The following C10orf90 variants were observed in gnomAD, a reference collection of about 807,000 sequenced individuals.
C10orf90 encodes (E2-independent) E3 ubiquitin-conjugating enzyme FATS.
Under a neutral mutation model 62.5 loss-of-function variants are expected in C10orf90, and 56 were observed. The observed-to-expected ratio is 0.90, with a 90% confidence interval of 0.72 to 1.12. The LOEUF (loss-of-function observed/expected upper bound fraction) is 1.12, where lower values mean the gene tolerates loss of function less well. C10orf90 is among the 50% of genes most tolerant of loss of function. The pLI, the probability that C10orf90 is intolerant of heterozygous loss-of-function variation, is 0.00. For missense variants in C10orf90, 970 were observed against 880.4 expected, an observed-to-expected ratio of 1.10 and a Z score of -1.29; for synonymous variants, 386 against 340.4, an observed-to-expected ratio of 1.13 and a Z score of -1.47.
chr10:126,594,668 C>T (rs1845048663), intron 2 of C10orf90, among the ~76,000 whole-genome samples: 1 of 152,180 alleles, frequency 6.6e-6, no homozygotes, highest in South Asian at 2.1e-4. Context: ...GTGCGTGGAG[C>T]TGGTGAAGTC....
intron 4 of C10orf90, among the ~76,000 whole-genome samples, chr10:126,473,515 G>A (rs1300940696): frequency 2.6e-5 from 4 of 152,128 alleles, no homozygotes; most frequent in Non-Finnish European, 1.5e-5. Flanking sequence ...TAGTGTGGAT[G>A]TGGATGTGAA....
chr10:126,637,059 C>A (rs1162924786), intron 2 of C10orf90, among the ~76,000 whole-genome samples: 3 of 152,090 alleles, frequency 2.0e-5, no homozygotes, highest in African/African-American at 7.2e-5. Flanking sequence ...AAATAAACTT[C>A]TTTCTTTAAA....
chr10:126,639,716 G>T (rs1282474712), intron 2 of C10orf90, among the ~76,000 whole-genome samples: 1 of 152,222 alleles, frequency 6.6e-6, no homozygotes, highest in Admixed American at 6.5e-5. Context: ...TCTGGCTGAT[G>T]CATTTCTGTC....
intron 4 of C10orf90, among the ~76,000 whole-genome samples, chr10:126,489,978 AATATATATATAATATATATTATATATT>A (rs1211451848): frequency 2.5e-5 from 3 of 121,990 alleles, no homozygotes; most frequent in Non-Finnish European, 4.9e-5. Context: ...ATATACATAT[AATATATATATAATATATATTATATATT>A]ATATATATTA....
At chr10:126,617,218 C>T (rs1845558389) in intron 2 of C10orf90, among the ~76,000 whole-genome samples, 1 of 152,158 alleles carries the variant, frequency 6.6e-6, no homozygotes. Flanking sequence ...CACATCCCAC[C>T]CCAACAGAGA....
chr10:126,481,688 A>G lies in C10orf90; in HGVS notation c.1535-16702T>C, dbSNP rs144542457. On this transcript the variant is annotated intron_variant, in intron 4 of 9. Coordinates refer to ENST00000488181, the MANE Select transcript of C10orf90 (RefSeq NM_001350921.2). ...CTCAGAAAACACCACCCTAAAATGAAGAAGCCAAGTTTCTGACTTTCTCCT... is the reference window on the plus strand; with the variant it reads ...CTCAGAAAACACCACCCTAAAATGAGGAAGCCAAGTTTCTGACTTTCTCCT... Among the ~76,000 whole-genome samples, 738 of 152,266 alleles carry G rather than the reference A, an allele frequency of 4.8e-3. 3 individuals carry two copies. Among genetic ancestry groups the G allele is most frequent in the African/African-American group, 0.017 (701 of 41,554 alleles).
At chr10:126,632,858 T>C (rs1184701062) in intron 2 of C10orf90, among the ~76,000 whole-genome samples, 2 of 152,150 alleles carry the variant, frequency 1.3e-5, no homozygotes, top group East Asian at 1.9e-4. Context: ...AGCAGAGCCA[T>C]CACCCCAACT....
chr10:126,612,944 C>T (rs933281651), intron 2 of C10orf90, among the ~76,000 whole-genome samples: 14 of 152,172 alleles, frequency 9.2e-5, no homozygotes, highest in Admixed American at 2.6e-4. Context: ...GCAGCTCCAA[C>T]GGCATGTTAC....
intron 2 of C10orf90, among the ~76,000 whole-genome samples, chr10:126,612,798 G>A (rs1251756228): frequency 6.6e-6 from 1 of 152,164 alleles, no homozygotes; most frequent in African/African-American, 2.4e-5. Flanking sequence ...GTGAAGGATT[G>A]CCAACATTTA....
In C10orf90 at chr10:126,504,995, A is replaced by C; in HGVS notation, c.496T>G (p.Ser166Ala). 6.2e-7 allele frequency: 1 copy of C among 1,614,214 alleles called. No individual in the cohort carries two copies. The highest frequency in any genetic ancestry group is 8.5e-7 in the Non-Finnish European group (1 of 1,180,026). The change falls in exon 4 of 10, where the codon TCC becomes GCC. Residue 166 changes from serine (S) to alanine (A), a missense_variant. Physicochemically the swap from Ser to Ala is moderately conservative, Grantham distance 99. Transcript: ENST00000488181. This position sits in a 1 kb window ranked among gnomAD's most constrained non-coding sequence, Gnocchi z 4.1. ...GCAATGGCACACGGTAGGGGCAAGG[A>C]GGCCCTGTTTTCTCTTGACTTATTC... ...DENKSRENRA[S>A]LPLPCAIAQS...
rs1307548795 is a variant in C10orf90, at chr10:126,457,615, C to T, written c.2188+1425G>A. On this transcript the variant is annotated intron_variant, in intron 7 of 9. Transcript: ENST00000488181. ...TAAAGTGGCATCATTCTATAATTGC[C>T]TACCACAAATTTGGTAACTAACCAT... Among the ~76,000 whole-genome samples the T allele has an allele frequency of 2.6e-5, 4 of 152,180 alleles. 1 individual carries two copies. Among genetic ancestry groups the T allele is most frequent in the Non-Finnish European group, 4.4e-5 (3 of 68,034 alleles).
chr10:126,508,686 C>A lies in C10orf90; in HGVS notation c.406-3601G>T, dbSNP rs529616164. On this transcript the variant is annotated intron_variant, in intron 3 of 9. Transcript: ENST00000488181. ...CAGGCCACCTGGGTCTAGCGTGGGC[C>A]GGGACTCCCATACTGGCTACAGGAC... 4.0e-4 allele frequency among the ~76,000 whole-genome samples: 61 copies of A among 152,180 alleles called. 2 individuals are homozygous for A. The South Asian group carries it at 0.012, about 31-fold the overall frequency.
chr10:126,584,858 G>A (rs1844828141), intron 2 of C10orf90, among the ~76,000 whole-genome samples: 1 of 152,080 alleles, frequency 6.6e-6, no homozygotes, highest in African/African-American at 2.4e-5. Context: ...GTGTGTGTGT[G>A]TTGGTAGAGC....
chr10:126,565,832 G>A (rs1269310161), intron 2 of C10orf90, among the ~76,000 whole-genome samples: 1 of 152,152 alleles, frequency 6.6e-6, no homozygotes, highest in African/African-American at 2.4e-5. Context: ...GCTGTTTTGA[G>A]ACTGAGTGAA....
At chr10:126,606,322 G>T (rs1002741815) in intron 2 of C10orf90, among the ~76,000 whole-genome samples, 5 of 152,190 alleles carry the variant, frequency 3.3e-5, no homozygotes, top group East Asian at 1.9e-4. Flanking sequence ...AAAACACATG[G>T]CAGAGAAAAC....
chr10:126,464,987 C>G lies in C10orf90; in HGVS notation c.1535-1G>C, dbSNP rs1231905918. The G allele has an allele frequency of 6.3e-7, 1 of 1,591,726 alleles. No individual in the cohort carries two copies. Among genetic ancestry groups the G allele is most frequent in the Non-Finnish European group, 8.6e-7 (1 of 1,162,166 alleles). ...CTTCCAGAAAATACTTTTGTGTGTA[C>G]TAAAAATAAAACGAGAGTTGTGCTC... On this transcript the variant is annotated splice_acceptor_variant, in intron 4 of 9. Coordinates refer to ENST00000488181, the MANE Select transcript of C10orf90 (RefSeq NM_001350921.2). LOFTEE classifies it high-confidence loss of function.
chr10:126,555,359 T>C (rs1864738319), intron 2 of C10orf90, among the ~76,000 whole-genome samples: 1 of 152,140 alleles, frequency 6.6e-6, no homozygotes, highest in Non-Finnish European at 1.5e-5. Context: ...TATTAATTTA[T>C]ATGTCTCATC....
intron 2 of C10orf90, among the ~76,000 whole-genome samples, chr10:126,564,363 G>A (rs1844252923): frequency 6.6e-6 from 1 of 151,976 alleles, no homozygotes; most frequent in Non-Finnish European, 1.5e-5. Flanking sequence ...AAAGGCAGCA[G>A]CAGCAAAGTC....
chr10:126,499,036 T>G (rs1862236833), intron 4 of C10orf90, among the ~76,000 whole-genome samples: 1 of 152,252 alleles, frequency 6.6e-6, no homozygotes, highest in African/African-American at 2.4e-5. Flanking sequence ...TTTATTTGAA[T>G]GCTAGACCAG....
Sources: allele counts gnomAD v4.1 joint callset (sites outside exome capture counted in the v4.1 genomes callset), GRCh38; gene constraint gnomAD v4.1.1; non-coding constraint Gnocchi (gnomAD v3.1); transcripts MANE v1.5; gene names NCBI Gene and HGNC (gene_info 2026-07-23, HGNC 2026-07-21).